CLN3: variants seen among roughly 807,000 people sequenced by gnomAD.
CLN3 encodes CLN3 lysosomal/endosomal transmembrane protein, battenin.
In CLN3, 49 loss-of-function variants were observed where a neutral mutation model predicts 60.7. The observed-to-expected ratio is 0.81, with a 90% confidence interval of 0.64 to 1.02. The LOEUF is 1.02. CLN3 is among the 50% of genes least tolerant of loss of function. CLN3 has a pLI of 0.00. For missense variants in CLN3, 516 were observed against 557.4 expected (o/e 0.93, Z 0.75); for synonymous variants, 256 against 245.8 (o/e 1.04, Z -0.39).
chr16:28,478,286 CAG>C, intron 14 of CLN3, among the ~76,000 whole-genome samples: 1 of 141,156 alleles, frequency 7.1e-6, no homozygotes, highest in South Asian at 2.2e-4. Context: ...GCCTGGGCAA[CAG>C]AGAGAGACTC....
intron 7 of CLN3, 130 bp from the exon 8 acceptor site, chr16:28,486,780 G>A (rs1338698818): frequency 2.2e-6 from 2 of 892,392 alleles, no homozygotes; most frequent in Middle Eastern, 2.9e-4. Context: ...GCATAGGCCA[G>A]GTTCCAGGTC....
At chr16:28,483,713 CTTTT>C (rs755660742) in intron 10 of CLN3, among the ~76,000 whole-genome samples, 128 of 100,506 alleles carry the variant, frequency 1.3e-3, no homozygotes, top group South Asian at 4.7e-3. Context: ...CCTTTCTTTT[CTTTT>C]TTTTTTTTTT....
chr16:28,491,173 C>CA (rs2046307659), intron 3 of CLN3: 1 of 398,184 alleles, frequency 2.5e-6, no homozygotes, highest in Non-Finnish European at 4.5e-6. Flanking sequence ...GCTGGTTTTC[C>CA]AAGTGGAGTC....
intron 14 of CLN3, among the ~76,000 whole-genome samples, chr16:28,481,620 T>C (rs2046097634): frequency 6.6e-6 from 1 of 152,128 alleles, no homozygotes; most frequent in Admixed American, 6.6e-5. Flanking sequence ...ACACAGTGGC[T>C]GAGTACTGAA....
intron 14 of CLN3, among the ~76,000 whole-genome samples, chr16:28,481,460 A>ACACACACACACG (rs1555468035): frequency 2.0e-4 from 30 of 148,772 alleles, no homozygotes; most frequent in Non-Finnish European, 3.1e-4. Flanking sequence ...ACACGCACAC[A>ACACACACACACG]CACACACACA....
At chr16:28,484,670 G>T in intron 9 of CLN3, 1 of 167,406 alleles carries the variant, frequency 6.0e-6, no homozygotes, top group Non-Finnish European at 1.3e-5. Context: ...CGGACTGCTG[G>T]CTCATACCTA....
chr16:28,489,427 G>T, intron 3 of CLN3, 41 bp from the exon 4 acceptor site: 1 of 1,422,220 alleles, frequency 7.0e-7, no homozygotes, highest in Non-Finnish European at 9.8e-7. Context: ...TCCTCATCCT[G>T]CAGCCATCTG....
At position 28,491,749 on chromosome 16, in the gene CLN3, C is replaced by G; in HGVS notation, c.11G>C (p.Cys4Ser). Residue 4 changes from cysteine (C) to serine (S), a missense_variant, in exon 2 of 16, where the codon TGT (cysteine) becomes TCT (serine). Cys to Ser is a moderately radical substitution (Grantham distance 112). Transcript: ENST00000636147. Reference protein sequence around the residue: MGGCAGSRRRFSDS... With the variant: MGGSAGSRRRFSDS... ...CGAAAAGCGCCGCCGCGAGCCTGCA[C>G]AGCCTCCCATCGCATCAAGTTCAGG... The G allele has an allele frequency of 6.2e-7, 1 of 1,614,034 alleles. No homozygotes were observed. Among genetic ancestry groups the G allele is most frequent in the Non-Finnish European group, 8.5e-7 (1 of 1,180,044 alleles).
intron 7 of CLN3, 103 bp downstream of exon 7, chr16:28,487,353 C>T (rs2046236664): frequency 2.1e-6 from 2 of 963,980 alleles, no homozygotes; most frequent in South Asian, 1.3e-5. Context: ...CTAAGGGTGA[C>T]AGAATGAATC....
intron 14 of CLN3, among the ~76,000 whole-genome samples, chr16:28,480,499 C>G (rs1030804235): frequency 3.3e-5 from 5 of 151,708 alleles, no homozygotes; most frequent in Non-Finnish European, 5.9e-5. Flanking sequence ...ATCCGGAGTT[C>G]AAGCAATTCT....
At chr16:28,486,947 G>C in intron 7 of CLN3, 1 of 442,378 alleles carries the variant, frequency 2.3e-6, no homozygotes, top group South Asian at 2.1e-5. Flanking sequence ...GTCTCGCCCT[G>C]TCACCCAGGC....
In CLN3 at chr16:28,488,600, G is replaced by A. The variant is rs1345501985; in HGVS notation, c.285C>T (p.Val95=). 6.2e-7 allele frequency: 1 copy of A among 1,614,178 alleles called. No individual in the cohort carries two copies. Residue 95 remains valine (V), a synonymous_variant, in exon 5 of 16, where the codon GTC becomes GTT. Transcript: ENST00000636147. ...NSSSRFDCNS[V]STAAVLLADI... is the part of the protein sequence containing the mutation. The stretch of plus-strand genomic sequence containing the variant: ...TGAGATGAGTACGCACAGCCGTAGA[G>A]ACAGAGTTGCAGTCAAATCGTGATG...
Position 28,487,404 on chromosome 16 carries a change from C to T in CLN3, c.460+52G>A, listed in dbSNP as rs1051834846. ...GCTGGGGAGACTCTTCCCACAAATGCTCTGATGTGGTTCCTCGGGGCTCCC... is the reference window on the plus strand; with the variant it reads ...GCTGGGGAGACTCTTCCCACAAATGTTCTGATGTGGTTCCTCGGGGCTCCC... On this transcript the variant is annotated intron_variant, in intron 7 of 15. Transcript: ENST00000636147. 11 of 1,419,454 alleles carry T rather than the reference C, an allele frequency of 7.7e-6. No individual in the cohort carries two copies. In the Admixed American group the frequency reaches 1.0e-4, roughly 13 times the overall value. 87.9% of individuals were successfully genotyped at this position (1,419,454 alleles called of 1,614,324 possible).
intron 14 of CLN3, among the ~76,000 whole-genome samples, chr16:28,481,454 G>GCA (rs373490479): frequency 0.12 from 15,182 of 129,094 alleles, 1,060 homozygotes; most frequent in African/African-American, 0.22. Flanking sequence ...ACACACACAC[G>GCA]CACACACACA....
At chr16:28,490,555 TCGAGAC>T (rs1216753359) in intron 3 of CLN3, 2 of 148,710 alleles carry the variant, frequency 1.3e-5, no homozygotes, top group Non-Finnish European at 3.0e-5. Flanking sequence ...GGTCAGGAGA[TCGAGAC>T]CATCCTGGAT....
chr16:28,486,922 C>T, intron 7 of CLN3: 1 of 506,068 alleles, frequency 2.0e-6, no homozygotes, highest in African/African-American at 1.9e-5. Context: ...CTTTTCTTTT[C>T]TTTTTGGAGA....
downstream of CLN3, among the ~76,000 whole-genome samples, chr16:28,474,973 G>C (rs2045979657): frequency 6.6e-6 from 1 of 152,212 alleles, no homozygotes; most frequent in Admixed American, 6.5e-5. Context: ...GGCAGGGCCA[G>C]GTGCAGTGGC....
At chr16:28,476,552 T>TAAA (rs890991330), downstream of CLN3, 3 of 149,520 alleles carry the variant, frequency 2.0e-5, no homozygotes, top group African/African-American at 7.4e-5. Flanking sequence ...TCTCTAAAAA[T>TAAA]AAAAAAAAAT....
At chr16:28,469,092 G>C in the CLN3 span, among the ~76,000 whole-genome samples, 9 of 108,108 alleles carry the variant, frequency 8.3e-5, no homozygotes, top group Non-Finnish European at 1.3e-4. Flanking sequence ...AGCATATGCT[G>C]AGTCTGAAAT....
Sources: gnomAD v4.1 joint callset for allele counts (sites outside exome capture counted in the v4.1 genomes callset) on GRCh38, gnomAD v4.1.1 for gene constraint, MANE v1.5 for transcripts, NCBI Gene and HGNC (gene_info 2026-07-23, HGNC 2026-07-21) for gene names.